Variants in CPNE4 observed in about 807,000 individuals in gnomAD.
The protein encoded by CPNE4 is copine 4, also known as copine-4.
CPNE4 carries 25 observed loss-of-function variants against 67.9 expected under a neutral mutation model. The ratio of observed to expected loss-of-function variants is 0.37; its 90% CI spans 0.27 to 0.51. CPNE4 has a LOEUF of 0.51. Ranked by LOEUF, CPNE4 falls within the 20% of genes least tolerant of loss-of-function variation. The probability of loss-of-function intolerance (pLI) is 0.93; values close to 1 mark genes in which losing one functional copy is unlikely to be tolerated. For synonymous variants in CPNE4, 242 were observed against 244.9 expected (o/e 0.99, Z 0.11); for missense variants, 464 against 690.8 (o/e 0.67, Z 3.68).
chr3:131,677,300 T>A (rs1473829686), intron 6 of CPNE4, among the ~76,000 whole-genome samples: 3 of 152,032 alleles, frequency 2.0e-5, no homozygotes, highest in African/African-American at 7.2e-5. Context: ...CTTGTAAATT[T>A]GTTTAAGTTC....
intron 1 of CPNE4, among the ~76,000 whole-genome samples, chr3:131,950,154 C>T (rs370598781): frequency 6.6e-6 from 1 of 152,160 alleles, no homozygotes; most frequent in African/African-American, 2.4e-5. Flanking sequence ...CTTCTGGTCA[C>T]AATATTTTTG....
intron 7 of CPNE4, among the ~76,000 whole-genome samples, chr3:131,619,871 G>C (rs2107757087): frequency 6.6e-6 from 1 of 152,226 alleles, no homozygotes; most frequent in Middle Eastern, 3.4e-3. Context: ...CTTGAGAAAA[G>C]GCATAAGGTT....
At chr3:131,764,700 A>C (rs1242192006) in intron 2 of CPNE4, among the ~76,000 whole-genome samples, 2 of 152,112 alleles carry the variant, frequency 1.3e-5, no homozygotes, top group African/African-American at 4.8e-5. Flanking sequence ...CCCTATGATC[A>C]CAACTCAAAA....
At chr3:131,542,244 A>G (rs72997268) in intron 15 of CPNE4, among the ~76,000 whole-genome samples, 5,823 of 152,204 alleles carry the variant, frequency 0.038, 267 homozygotes, top group African/African-American at 0.11. Flanking sequence ...TAGAGATCCT[A>G]AATTATATGA....
chr3:131,857,997 T>C (rs1394908485), intron 2 of CPNE4, among the ~76,000 whole-genome samples: 2 of 152,150 alleles, frequency 1.3e-5, no homozygotes, highest in Admixed American at 6.6e-5. Flanking sequence ...AAATAAGTCT[T>C]CTTGACAATT....
chr3:131,781,200 C>A (rs532845071), intron 2 of CPNE4, among the ~76,000 whole-genome samples: 10 of 152,128 alleles, frequency 6.6e-5, no homozygotes. Flanking sequence ...AGAACTCAAA[C>A]AAAGTTTCTG....
intron 7 of CPNE4, among the ~76,000 whole-genome samples, chr3:131,626,202 A>C (rs906230828): frequency 1.3e-5 from 2 of 152,332 alleles, no homozygotes; most frequent in African/African-American, 4.8e-5. Context: ...TAAATGTTCA[A>C]GAAAGGAAGA....
intron 1 of CPNE4, among the ~76,000 whole-genome samples, chr3:131,923,064 G>T (rs1352842708): frequency 6.6e-6 from 1 of 152,172 alleles, no homozygotes; most frequent in East Asian, 1.9e-4. Context: ...AGTTGGACCA[G>T]TTCATTGAAC....
At chr3:131,804,393 C>G (rs1240924563) in intron 2 of CPNE4, among the ~76,000 whole-genome samples, 1 of 152,010 alleles carries the variant, frequency 6.6e-6, no homozygotes, top group African/African-American at 2.4e-5. Flanking sequence ...ACTCACAAAC[C>G]TAGTTATATC....
At chr3:131,565,672 A>G (rs1937017939) in intron 10 of CPNE4, among the ~76,000 whole-genome samples, 1 of 151,952 alleles carries the variant, frequency 6.6e-6, no homozygotes, top group Non-Finnish European at 1.5e-5. Flanking sequence ...TTACGTGTTC[A>G]TCTGTGTTAT....
intron 3 of CPNE4, among the ~76,000 whole-genome samples, chr3:131,706,404 T>C (rs2081414279): frequency 6.6e-6 from 1 of 152,250 alleles, no homozygotes; most frequent in Non-Finnish European, 1.5e-5. Flanking sequence ...TTGATTCACT[T>C]AATTCTCATG....
At chr3:131,933,375 T>C (rs2071127394) in intron 1 of CPNE4, among the ~76,000 whole-genome samples, 1 of 152,164 alleles carries the variant, frequency 6.6e-6, no homozygotes, top group Non-Finnish European at 1.5e-5. Flanking sequence ...AGAGGCTTCG[T>C]GAAAAGTGGA....
chr3:132,008,374 C>T (rs907392583), intron 1 of CPNE4, among the ~76,000 whole-genome samples: 1 of 152,136 alleles, frequency 6.6e-6, no homozygotes, highest in Admixed American at 6.5e-5. Context: ...TTATCAAGTA[C>T]CTTCCATGTT....
At chr3:131,619,023 T>C (rs527905597) in intron 7 of CPNE4, among the ~76,000 whole-genome samples, 40 of 152,236 alleles carry the variant, frequency 2.6e-4, no homozygotes, top group Non-Finnish European at 5.3e-4. Context: ...ACTTGTAAAG[T>C]TGTTGCCCAT....
upstream of CPNE4, among the ~76,000 whole-genome samples, chr3:132,038,417 T>G (rs1408803264): frequency 1.3e-5 from 2 of 152,218 alleles, no homozygotes; most frequent in South Asian, 4.1e-4. Context: ...GGGCAGTTTA[T>G]ACTTCTGTCT....
chr3:131,726,821 A>C (rs2082012467), intron 2 of CPNE4, among the ~76,000 whole-genome samples: 1 of 152,132 alleles, frequency 6.6e-6, no homozygotes, highest in African/African-American at 2.4e-5. Flanking sequence ...TCTCTAAAAA[A>C]GTGTTCTAGA....
At chr3:131,964,809 T>A (rs1469140673) in intron 1 of CPNE4, among the ~76,000 whole-genome samples, 2 of 152,142 alleles carry the variant, frequency 1.3e-5, no homozygotes, top group African/African-American at 4.8e-5. Flanking sequence ...TTCAGGATAT[T>A]GTCTAGGAGA....
At chr3:131,969,914 G>A (rs1407346304) in intron 1 of CPNE4, among the ~76,000 whole-genome samples, 1 of 152,198 alleles carries the variant, frequency 6.6e-6, no homozygotes, top group African/African-American at 2.4e-5. Flanking sequence ...CTGTAGGCCT[G>A]TCTTCTACCT....
chr3:131,830,259 CT>C (rs538796437), intron 2 of CPNE4, among the ~76,000 whole-genome samples: 17 of 152,144 alleles, frequency 1.1e-4, no homozygotes, highest in Non-Finnish European at 1.6e-4. Context: ...AATATGATGA[CT>C]TTTCTCCACC....
Sources: gnomAD v4.1 joint callset for allele counts (sites outside exome capture counted in the v4.1 genomes callset) on GRCh38, gnomAD v4.1.1 for gene constraint, MANE v1.5 for transcripts, NCBI Gene and HGNC (gene_info 2026-07-23, HGNC 2026-07-21) for gene names.